LAMB4: variants seen among roughly 807,000 people sequenced by gnomAD.
The protein encoded by LAMB4 is laminin subunit beta-4.
A neutral mutation model predicts 199.2 loss-of-function variants in LAMB4; 196 were observed. That is an observed-to-expected ratio of 0.98 (90% CI 0.88 to 1.11). The LOEUF (loss-of-function observed/expected upper bound fraction) is 1.11. Among genes scored for constraint, LAMB4 ranks in the 50% least tolerant of loss-of-function variants. The pLI, the probability that LAMB4 is intolerant of heterozygous loss-of-function variation, is 0.00. For synonymous variants in LAMB4, 744 were observed against 770.6 expected, an observed-to-expected ratio of 0.97 and a Z score of 0.57; for missense variants, 2,080 against 2,171.2, an observed-to-expected ratio of 0.96 and a Z score of 0.83.
rs570929004 is a variant in LAMB4 at position 108,055,371 on chromosome 7, G to A, written c.3755+261C>T. Among the ~76,000 whole-genome samples, 6 of 152,232 alleles carry A rather than the reference G, an allele frequency of 3.9e-5. No homozygotes were observed. In the East Asian group the frequency reaches 1.2e-3, roughly 29 times the overall value. ...CTGGCTAATATTTGTATTTTTAGTA[G>A]AGAGGGGGTTTCTCCATGTTGGCCA... On this transcript the variant is annotated intron_variant, in intron 25 of 33. Transcript: ENST00000388781.
chr7:108,063,412 A>T (rs898424719), intron 22 of LAMB4, among the ~76,000 whole-genome samples: 32 of 152,118 alleles, frequency 2.1e-4, no homozygotes, highest in African/African-American at 7.7e-4. Flanking sequence ...CAGCCTAGGA[A>T]TTTGCATGTT....
chr7:108,057,804 A>C (rs780402987), intron 24 of LAMB4, 28 bp downstream of exon 24: 3 of 1,445,266 alleles, frequency 2.1e-6, no homozygotes, highest in Admixed American at 1.7e-5. Context: ...GACTGTACGC[A>C]TGAGTTTTTA....
chr7:108,088,936 A>C (rs1471105025), intron 14 of LAMB4, among the ~76,000 whole-genome samples: 1 of 152,178 alleles, frequency 6.6e-6, no homozygotes, highest in Non-Finnish European at 1.5e-5. Context: ...GGAGTAGCCA[A>C]CCTGGAGATT....
intron 33 of LAMB4, chr7:108,027,043 G>A (rs967432209): frequency 5.3e-6 from 2 of 378,170 alleles, no homozygotes; most frequent in African/African-American, 4.2e-5. Flanking sequence ...GGGGATCAGT[G>A]GAAACAATGT....
chr7:108,055,670 C>G lies in LAMB4; in HGVS notation c.3717G>C (p.Gly1239=). The G allele has an allele frequency of 6.2e-7, 1 of 1,613,950 alleles. No individual in the cohort carries two copies. The highest frequency in any genetic ancestry group is 8.5e-7 in the Non-Finnish European group (1 of 1,179,950). Residue 1239 remains glycine, a synonymous_variant, in exon 25 of 34, where the codon GGG becomes GGC. Transcript: ENST00000388781. The part of the protein sequence containing the change: ...RILKHPVFPS[G]KFLKVKDYHD... ...GATAATCCTTGACTTTTAAGAATTT[C>G]CCAGATGGGAAAACAGGATGTTTCA...
At chr7:108,112,067 A>G (rs2038247688) in intron 3 of LAMB4, 121 bp from the exon 4 acceptor site, 1 of 702,404 alleles carries the variant, frequency 1.4e-6, no homozygotes. Context: ...TAAAAGGCAG[A>G]GGAAATAACA....
chr7:108,064,498 C>A (rs1226949174), intron 21 of LAMB4, among the ~76,000 whole-genome samples: 1 of 152,176 alleles, frequency 6.6e-6, no homozygotes, highest in African/African-American at 2.4e-5. Flanking sequence ...TTCTGTTAAG[C>A]AGTCTGAAGG....
In LAMB4 at chr7:108,043,545, GTTTTTTTTTTTTTTT is replaced by G. The variant is rs748169558; in HGVS notation, c.4471+192_4471+206del. 4.6e-3 allele frequency among the ~76,000 whole-genome samples: 255 copies of G among 55,976 alleles called. 4 individuals are homozygous for G. Among genetic ancestry groups the G allele is most frequent in the Non-Finnish European group, 6.1e-3 (209 of 34,506 alleles). 36.7% of individuals were successfully genotyped at this position (55,976 alleles called of 152,430 possible). ...AATATAATTTGGAACTGGCTATGAT[GTTTTTTTTTTTTTTT>G]TTTTTTTTTTTTTTTTTTTTTTTTT... On this transcript the variant is annotated intron_variant, in intron 29 of 33. Coordinates refer to ENST00000388781, the MANE Select transcript of LAMB4 (RefSeq NM_007356.3).
intron 11 of LAMB4, among the ~76,000 whole-genome samples, chr7:108,097,613 G>A (rs1457420397): frequency 4.6e-5 from 7 of 152,086 alleles, no homozygotes; most frequent in Admixed American, 2.6e-4. Flanking sequence ...GTGAAACCCC[G>A]TCTCTACTAA....
downstream of LAMB4, among the ~76,000 whole-genome samples, chr7:108,019,464 C>T (rs1462627358): frequency 6.6e-6 from 1 of 152,062 alleles, no homozygotes; most frequent in Admixed American, 6.5e-5. Context: ...TCAACTTTCC[C>T]TTTGCCATGT....
At chr7:108,029,705 C>T (rs2034962778) in intron 32 of LAMB4, among the ~76,000 whole-genome samples, 1 of 152,068 alleles carries the variant, frequency 6.6e-6, no homozygotes. Flanking sequence ...TATGGAGATC[C>T]CCCTTGAATA....
At position 108,079,610 on chromosome 7, in the gene LAMB4, A is replaced by T; in HGVS notation, c.1878T>A (p.Tyr626Ter). 1 of 1,606,004 alleles carries T rather than the reference A, an allele frequency of 6.2e-7. No individual in the cohort carries two copies. The highest frequency in any genetic ancestry group is 8.5e-7 in the Non-Finnish European group (1 of 1,177,184). The change falls in exon 15 of 34, where the codon TAT becomes TAA. Residue 626 changes from tyrosine to a stop codon, truncating the protein, a stop_gained. Transcript: ENST00000388781. LOFTEE classifies it high-confidence loss of function. ...FPVDFTIAIH[Y>*]ETQSAADWTV... ...GAGAGTTAAAGGATACCTGGGTTTCATAGTGAATGGCAATGGTGAAGTCCA... is the reference window on the plus strand; with the variant it reads ...GAGAGTTAAAGGATACCTGGGTTTCTTAGTGAATGGCAATGGTGAAGTCCA...
In LAMB4 at chr7:108,105,968, A is replaced by C. The variant is rs1434668549; in HGVS notation, c.719T>G (p.Leu240Trp). The C allele has an allele frequency of 5.6e-6, 9 of 1,614,230 alleles. No individual in the cohort carries two copies. The highest frequency in any genetic ancestry group is 5.9e-6 in the Non-Finnish European group (7 of 1,180,032). The change falls in exon 8 of 34, where the codon TTG becomes TGG. Residue 240 changes from leucine to tryptophan, a missense_variant. Physicochemically the swap from Leu to Trp is moderately conservative, Grantham distance 61. Coordinates refer to ENST00000388781, the MANE Select transcript of LAMB4 (RefSeq NM_007356.3). ...GGAATCATTTTGCCTCCTTCCAAGC[A>C]AAGCATCCCCAAGGGTGTGGAGCTT... ...FTKLHTLGDA[L>W]LGRRQNDSLD...
At chr7:108,067,034 G>C (rs908848562) in intron 19 of LAMB4, among the ~76,000 whole-genome samples, 2 of 151,850 alleles carry the variant, frequency 1.3e-5, no homozygotes, top group Non-Finnish European at 2.9e-5. Context: ...CTTTTTCCTA[G>C]ACAAGATGGA....
At chr7:108,022,803 T>C (rs188523246), downstream of LAMB4, among the ~76,000 whole-genome samples, 9 of 152,252 alleles carry the variant, frequency 5.9e-5, no homozygotes, top group Admixed American at 5.9e-4. Context: ...AATTTTTAAA[T>C]CTTTTTTGTT....
At position 108,043,820 on chromosome 7, in the gene LAMB4, C is replaced by G; in HGVS notation, c.4403G>C (p.Arg1468Thr). 1 of 1,608,808 alleles carries G rather than the reference C, an allele frequency of 6.2e-7. No individual in the cohort carries two copies. The highest frequency in any genetic ancestry group is 8.5e-7 in the Non-Finnish European group (1 of 1,177,138). The stretch of plus-strand genomic sequence containing the variant: ...TTCTTCTTCAGAGTCACTTTGGTTT[C>G]TTATATTTCCCAGTTTTTCCCTCAG... The part of the protein sequence containing the change: ...LQLREKLGNI[R>T]NQSDSEEENI... The change falls in exon 29 of 34, where the codon AGA (arginine) becomes ACA (threonine). Residue 1468 changes from arginine to threonine, a missense_variant. Physicochemically the swap from Arg to Thr is moderately conservative, Grantham distance 71 (BLOSUM62 -1). Coordinates refer to ENST00000388781, the MANE Select transcript of LAMB4 (RefSeq NM_007356.3).
In LAMB4 at chr7:108,034,340, T is replaced by A; in HGVS notation, c.4686A>T (p.Ala1562=). The change falls in exon 31 of 34, where the codon GCA becomes GCT. Residue 1562 remains alanine (A), a synonymous_variant. Coordinates refer to ENST00000388781, the MANE Select transcript of LAMB4 (RefSeq NM_007356.3). ...LLVKAKAAEK[A]ANILLNLDKT... ...TGTCAAGATTTAATAGAATATTTGC[T>A]GCTTTCCTAAGGTAAGATATTAACA... The A allele has an allele frequency of 1.2e-6, 2 of 1,607,366 alleles. No individual in the cohort carries two copies. The highest frequency in any genetic ancestry group is 1.7e-6 in the Non-Finnish European group (2 of 1,173,852).
intron 17 of LAMB4, among the ~76,000 whole-genome samples, chr7:108,071,934 CTTT>C (rs546301703): frequency 6.9e-6 from 1 of 145,836 alleles, no homozygotes; most frequent in Non-Finnish European, 1.5e-5. Flanking sequence ...AAAATCTGAA[CTTT>C]TTTTTTTTTT....
chr7:108,034,429 A>G, intron 30 of LAMB4, 83 bp from the exon 31 acceptor site: 1 of 1,047,402 alleles, frequency 9.5e-7, no homozygotes, highest in East Asian at 2.4e-5. Flanking sequence ...ATTTGACTCA[A>G]CCAAATACTT....
Sources: allele counts gnomAD v4.1 joint callset (sites outside exome capture counted in the v4.1 genomes callset), GRCh38; gene constraint gnomAD v4.1.1; transcripts MANE v1.5; gene names NCBI Gene and HGNC (gene_info 2026-07-23, HGNC 2026-07-21).